Variants in HMCN1 observed in about 807,000 individuals in gnomAD.
HMCN1 encodes the protein hemicentin 1.
A neutral mutation model predicts 625.9 loss-of-function variants in HMCN1; 321 were observed. That is an observed-to-expected ratio of 0.51 (90% CI 0.47 to 0.56). The LOEUF (loss-of-function observed/expected upper bound fraction) is 0.56, where lower values mean the gene tolerates loss of function less well. Ranked by LOEUF, HMCN1 falls within the 20% of genes least tolerant of loss-of-function variation. The pLI is 0.00. For missense variants in HMCN1, 6,588 were observed against 6,887.3 expected, an observed-to-expected ratio of 0.96 and a Z score of 1.54; for synonymous variants, 2,425 against 2,417.6, an observed-to-expected ratio of 1.00 and a Z score of -0.09.
chr1:186,134,867 G>T (rs1649496321), intron 86 of HMCN1, among the ~76,000 whole-genome samples: 1 of 152,072 alleles, frequency 6.6e-6, no homozygotes, highest in African/African-American at 2.4e-5. Flanking sequence ...TGTATATGCT[G>T]CCCCGTTTGC....
intron 87 of HMCN1, 136 bp downstream of exon 87, chr1:186,137,073 C>A: frequency 9.4e-7 from 1 of 1,069,376 alleles, no homozygotes; most frequent in Non-Finnish European, 1.4e-6. Context: ...ACAAAATCAT[C>A]AAAATTTACA....
At chr1:185,946,602 G>A (rs1380654757) in intron 11 of HMCN1, among the ~76,000 whole-genome samples, 1 of 152,190 alleles carries the variant, frequency 6.6e-6, no homozygotes, top group Non-Finnish European at 1.5e-5. Context: ...GATAATCAGT[G>A]CTTGTCATCA....
chr1:185,942,097 G>T (rs1365132203), intron 11 of HMCN1, among the ~76,000 whole-genome samples: 3 of 151,178 alleles, frequency 2.0e-5, no homozygotes, highest in Admixed American at 1.3e-4. Flanking sequence ...AGGATGAGGC[G>T]GGAGAATCAC....
chr1:185,834,869 AT>A (rs1462900660), intron 1 of HMCN1, among the ~76,000 whole-genome samples: 1 of 152,226 alleles, frequency 6.6e-6, no homozygotes, highest in African/African-American at 2.4e-5. Flanking sequence ...CCCAAAACAA[AT>A]TGAGACCCAA....
chr1:185,922,611 T>C, intron 7 of HMCN1, 112 bp downstream of exon 7: 1 of 990,396 alleles, frequency 1.0e-6, no homozygotes, highest in South Asian at 1.4e-5. Flanking sequence ...TTGAGAAGCA[T>C]AGCTTTAAAT....
intron 36 of HMCN1, 132 bp downstream of exon 36, chr1:186,023,285 AG>A (rs1319435718): frequency 1.6e-5 from 11 of 682,866 alleles, no homozygotes; most frequent in East Asian, 3.1e-5. Context: ...AAAAAAACCT[AG>A]GGTTTTTTTT....
At chr1:185,779,700 G>C (rs931804515) in intron 1 of HMCN1, among the ~76,000 whole-genome samples, 1 of 152,134 alleles carries the variant, frequency 6.6e-6, no homozygotes, top group African/African-American at 2.4e-5. Context: ...TGTTCCATTG[G>C]CCTATATCTC....
intron 104 of HMCN1, among the ~76,000 whole-genome samples, chr1:186,181,105 C>CTAACATGTTGGAGT: frequency 1.3e-5 from 2 of 152,220 alleles, no homozygotes; most frequent in Admixed American, 1.3e-4. Flanking sequence ...CTTGGGAAAG[C>CTAACATGTTGGAGT]TCTGTGCTAA....
intron 82 of HMCN1, 84 bp from the exon 83 acceptor site, chr1:186,127,994 A>G: frequency 1.8e-6 from 2 of 1,139,650 alleles, no homozygotes; most frequent in East Asian, 2.5e-5. Context: ...GAGTTTCTTG[A>G]GGGCCTAGCT....
chr1:186,093,426 T>C, intron 65 of HMCN1, 60 bp from the exon 66 acceptor site: 1 of 1,590,554 alleles, frequency 6.3e-7, no homozygotes, highest in Non-Finnish European at 8.6e-7. Flanking sequence ...TAGAAATTAT[T>C]TGAACTAGTA....
intron 1 of HMCN1, among the ~76,000 whole-genome samples, chr1:185,812,090 A>G (rs1380067221): frequency 6.6e-6 from 1 of 152,138 alleles, no homozygotes; most frequent in African/African-American, 2.4e-5. Context: ...AGTAGCATAT[A>G]GTTTTTGAAG....
At position 186,055,521 on chromosome 1, in the gene HMCN1, C is replaced by T. The variant is rs574099892; in HGVS notation, c.6991C>T (p.His2331Tyr). 2 of 1,612,864 alleles carry T rather than the reference C, an allele frequency of 1.2e-6. No individual in the cohort carries two copies. The highest frequency in any genetic ancestry group is 1.7e-5 in the Admixed American group (1 of 59,840). ...PPTVTWMKDG[H>Y]PLIKAKGVEI... ...AACAGTGACCTGGATGAAAGATGGC[C>T]ACCCCTTGATCAAGGCAAAGGGAGT... The change falls in exon 45 of 107, where the codon CAC (histidine) becomes TAC (tyrosine). Residue 2331 changes from histidine to tyrosine, a missense_variant. Physicochemically the swap from His to Tyr is moderately conservative, Grantham distance 83. Transcript: ENST00000271588.
At chr1:185,885,048 G>T (rs1327924290) in intron 4 of HMCN1, among the ~76,000 whole-genome samples, 10 of 151,326 alleles carry the variant, frequency 6.6e-5, no homozygotes, top group African/African-American at 2.4e-4. Flanking sequence ...TTTTGGAAAG[G>T]TTTATAATGC....
chr1:186,006,920 T>C (rs1237526121), intron 29 of HMCN1, among the ~76,000 whole-genome samples: 1 of 152,008 alleles, frequency 6.6e-6, no homozygotes. Context: ...GGAGGAACTT[T>C]TCATCTCAAA....
intron 11 of HMCN1, among the ~76,000 whole-genome samples, chr1:185,943,134 T>C (rs754250210): frequency 2.6e-5 from 4 of 151,794 alleles, no homozygotes; most frequent in Non-Finnish European, 4.4e-5. Context: ...CCCCATGGAG[T>C]TGGGTTGTGC....
At chr1:185,996,784 A>G (rs907131473) in intron 24 of HMCN1, among the ~76,000 whole-genome samples, 11 of 152,170 alleles carry the variant, frequency 7.2e-5, no homozygotes, top group Non-Finnish European at 1.2e-4. Context: ...AAATTTCTTC[A>G]TGAAATGAAT....
At position 186,123,006 on chromosome 1, in the gene HMCN1, C is replaced by T; in HGVS notation, c.12285C>T (p.Pro4095=). ...AATATGTTATTGCTGTGGACAAGCC[C>T]ATCACGTTATCCTGTGAAGCAGATG... The part of the protein sequence containing the change: ...LKEYVIAVDK[P]ITLSCEADGL... Residue 4095 remains proline (P), a synonymous_variant, in exon 81 of 107, where the codon CCC becomes CCT. Transcript: ENST00000271588. 1 of 1,614,116 alleles carries T rather than the reference C, an allele frequency of 6.2e-7. No individual in the cohort carries two copies. Among genetic ancestry groups the T allele is most frequent in the Non-Finnish European group, 8.5e-7 (1 of 1,180,014 alleles).
chr1:186,109,846 A>G (rs1660792015), intron 71 of HMCN1, among the ~76,000 whole-genome samples: 1 of 152,184 alleles, frequency 6.6e-6, no homozygotes, highest in Non-Finnish European at 1.5e-5. Context: ...TTCTGGTTAA[A>G]TCACTCAACT....
At position 186,053,928 on chromosome 1, in the gene HMCN1, A is replaced by G. The variant is rs956501215; in HGVS notation, c.6804A>G (p.Ser2268=). 1.2e-6 allele frequency: 2 copies of G among 1,612,656 alleles called. No homozygotes were observed. Among genetic ancestry groups the G allele is most frequent in the African/African-American group, 2.7e-5 (2 of 74,852 alleles). Residue 2268 remains serine (S), a synonymous_variant, in exon 44 of 107, where the codon TCA becomes TCG. Coordinates refer to ENST00000271588, the MANE Select transcript of HMCN1 (RefSeq NM_031935.3). Reference sequence around the variant, plus strand: ...AAAAGTCTGATGCAGCACTCTATTCATGTGTGGCGTCGAATGTTGCTGGGA... The same window carrying G: ...AAAAGTCTGATGCAGCACTCTATTCGTGTGTGGCGTCGAATGTTGCTGGGA... ...IAEKSDAALY[S]CVASNVAGTA...
Sources: gnomAD v4.1 joint callset for allele counts (sites outside exome capture counted in the v4.1 genomes callset) on GRCh38, gnomAD v4.1.1 for gene constraint, MANE v1.5 for transcripts, NCBI Gene and HGNC (gene_info 2026-07-23, HGNC 2026-07-21) for gene names.